The following ARRB1 variants were observed in gnomAD, a reference collection of about 807,000 sequenced individuals.
ARRB1 encodes the protein beta-arrestin-1.
Under a neutral mutation model 56.8 loss-of-function variants are expected in ARRB1, and 21 were observed. The ratio of observed to expected loss-of-function variants is 0.37; its 90% confidence interval spans 0.26 to 0.53. The LOEUF (loss-of-function observed/expected upper bound fraction) is 0.53. ARRB1 is among the 20% of genes least tolerant of loss of function. ARRB1 has a pLI of 0.88. For missense variants in ARRB1, 424 were observed against 553.7 expected (o/e 0.77, Z 2.35); for synonymous variants, 210 against 218.6 (o/e 0.96, Z 0.35).
Position 75,266,128 on chromosome 11 carries a change from G to A in ARRB1, c.*35C>T. On this transcript the variant is annotated 3_prime_UTR_variant, in exon 16 of 16. Coordinates refer to ENST00000420843, the MANE Select transcript of ARRB1 (RefSeq NM_004041.5). ...AGTAAGCATCCGAGTGCACGAGAGT[G>A]GAGCCGGAGCCACGTGGAGGCAGGG... is the stretch of plus-strand genomic sequence containing the variant. 6.6e-7 allele frequency: 1 copy of A among 1,522,150 alleles called. No homozygotes were observed. Among genetic ancestry groups the A allele is most frequent in the Non-Finnish European group, 9.1e-7 (1 of 1,096,438 alleles). The allele number at this position is 1,522,150 out of a possible 1,614,324, so 94.3% of individuals were successfully genotyped here. A position where few individuals can be genotyped will look rare whatever the true frequency, so the allele number is the denominator to read the frequency against.
At chr11:75,301,117 C>T (rs1946894841) in intron 1 of ARRB1, among the ~76,000 whole-genome samples, 1 of 150,592 alleles carries the variant, frequency 6.6e-6, no homozygotes, top group African/African-American at 2.4e-5. Flanking sequence ...GCACTCCAGC[C>T]TGGCAACAGA....
intron 1 of ARRB1, among the ~76,000 whole-genome samples, chr11:75,341,655 ACT>A (rs1372572494): frequency 6.6e-6 from 1 of 151,776 alleles, no homozygotes; most frequent in East Asian, 1.9e-4. Context: ...CCTCCTCCAC[ACT>A]CTCTGAGGGT....
chr11:75,297,839 T>G (rs1484337209), intron 1 of ARRB1, among the ~76,000 whole-genome samples: 3 of 103,620 alleles, frequency 2.9e-5, no homozygotes, highest in Middle Eastern at 0.012. Flanking sequence ...CACTCCAGCC[T>G]GGGTAAGAGA....
At chr11:75,275,065 A>G (rs930800550) in intron 10 of ARRB1, 3 of 151,868 alleles carry the variant, frequency 2.0e-5, no homozygotes, top group African/African-American at 7.3e-5. Context: ...TGATCATACC[A>G]CTGCACTCCA....
chr11:75,327,764 A>C (rs1426516515), intron 1 of ARRB1, among the ~76,000 whole-genome samples: 1 of 151,782 alleles, frequency 6.6e-6, no homozygotes, highest in African/African-American at 2.4e-5. Context: ...AATTGTTGTA[A>C]TTTTAGTAGA....
chr11:75,349,669 C>G (rs1947818601), intron 1 of ARRB1, among the ~76,000 whole-genome samples: 1 of 152,244 alleles, frequency 6.6e-6, no homozygotes, highest in Non-Finnish European at 1.5e-5. Context: ...AAAGCCTGAC[C>G]TCATGGGTCA....
chr11:75,320,828 C>G (rs1231903527), intron 1 of ARRB1, among the ~76,000 whole-genome samples: 1 of 152,212 alleles, frequency 6.6e-6, no homozygotes, highest in Non-Finnish European at 1.5e-5. Flanking sequence ...AGAGATGGCC[C>G]TGGACTCCCA....
intron 13 of ARRB1, chr11:75,269,302 C>A: frequency 2.3e-6 from 1 of 443,772 alleles, no homozygotes; most frequent in Non-Finnish European, 4.3e-6. Flanking sequence ...CCTGGGACCC[C>A]CCCCCACCTC....
At chr11:75,269,273 T>G (rs1359803323) in intron 13 of ARRB1, 1 of 548,912 alleles carries the variant, frequency 1.8e-6, no homozygotes, top group African/African-American at 1.9e-5. Context: ...CCGTGGTCAC[T>G]GCGGGGCTCC....
At chr11:75,318,187 G>C (rs1947294533) in intron 1 of ARRB1, among the ~76,000 whole-genome samples, 1 of 120,880 alleles carries the variant, frequency 8.3e-6, no homozygotes, top group African/African-American at 3.2e-5. Context: ...GAGAGAGAGA[G>C]ATTGGATCTC....
At chr11:75,349,351 C>T (rs747368116) in intron 1 of ARRB1, among the ~76,000 whole-genome samples, 2 of 152,144 alleles carry the variant, frequency 1.3e-5, no homozygotes, top group Non-Finnish European at 2.9e-5. Context: ...GGGAAACTAA[C>T]GTCCGGAAAA....
chr11:75,282,060 C>T (rs1242483782), intron 5 of ARRB1, 39 bp from the exon 6 acceptor site: 3 of 1,605,790 alleles, frequency 1.9e-6, no homozygotes, highest in African/African-American at 1.3e-5. Context: ...CTGTCACATC[C>T]ACCACTGTCC....
intron 2 of ARRB1, among the ~76,000 whole-genome samples, chr11:75,288,470 G>A (rs1946532665): frequency 6.6e-6 from 1 of 152,042 alleles, no homozygotes; most frequent in Admixed American, 6.6e-5. Context: ...CTTGTGACTC[G>A]ATCGCCATCA....
chr11:75,294,234 C>T (rs1330334461), intron 1 of ARRB1, among the ~76,000 whole-genome samples: 4 of 152,078 alleles, frequency 2.6e-5, no homozygotes, highest in African/African-American at 9.7e-5. Context: ...TCACAACATA[C>T]TAGTTGATAA....
intron 1 of ARRB1, among the ~76,000 whole-genome samples, chr11:75,333,208 A>G (rs2140510029): frequency 1.3e-5 from 2 of 152,322 alleles, no homozygotes; most frequent in South Asian, 4.1e-4. Context: ...TGCTCTGAAG[A>G]AAAAAACAAA....
intron 1 of ARRB1, among the ~76,000 whole-genome samples, chr11:75,307,877 C>T (rs565874249): frequency 3.4e-4 from 52 of 152,334 alleles, no homozygotes; most frequent in African/African-American, 1.2e-3. Flanking sequence ...GATCCCAGGA[C>T]AGGCCATGGC....
Position 75,277,216 on chromosome 11 carries a change from G to C in ARRB1, c.703+148C>G, listed in dbSNP as rs542071742. 2.3e-3 allele frequency: 1,964 copies of C among 841,724 alleles called. 4 individuals are homozygous for C. Among genetic ancestry groups the C allele is most frequent in the Non-Finnish European group, 3.4e-3 (1,776 of 524,804 alleles). 52.1% of individuals were successfully genotyped at this position (841,724 alleles called of 1,614,324 possible). ...GCAGCCTGCCTTACCCAACTCAAAAGCTTTGCCCTGTGGCTCAGAGCAGGC... is the reference window on the plus strand; with the variant it reads ...GCAGCCTGCCTTACCCAACTCAAAACCTTTGCCCTGTGGCTCAGAGCAGGC... On this transcript the variant is annotated intron_variant, in intron 9 of 15. Coordinates refer to ENST00000420843, the MANE Select transcript of ARRB1 (RefSeq NM_004041.5).
In ARRB1 at chr11:75,307,964, G is replaced by A. The variant is rs370092472; in HGVS notation, c.21-17925C>T. Among the ~76,000 whole-genome samples, 19 of 152,304 alleles carry A rather than the reference G, an allele frequency of 1.2e-4. No individual in the cohort carries two copies. In the East Asian group the frequency reaches 2.9e-3, roughly 23 times the overall value. On this transcript the variant is annotated intron_variant, in intron 1 of 15. Coordinates refer to ENST00000420843, the MANE Select transcript of ARRB1 (RefSeq NM_004041.5). The stretch of plus-strand genomic sequence containing the variant: ...AGTAACTGAGCAAGCCTCTTCCCCC[G>A]TGGCCATGGATAGCACCATCCCCAT...
At chr11:75,337,815 T>A (rs1263464761) in intron 1 of ARRB1, among the ~76,000 whole-genome samples, 2 of 140,184 alleles carry the variant, frequency 1.4e-5, no homozygotes, top group Non-Finnish European at 3.1e-5. Context: ...TTTTTTTTTT[T>A]TTGAGACGGA....
Sources: gnomAD v4.1 joint callset for allele counts (sites outside exome capture counted in the v4.1 genomes callset) on GRCh38, gnomAD v4.1.1 for gene constraint, MANE v1.5 for transcripts, NCBI Gene and HGNC (gene_info 2026-07-23, HGNC 2026-07-21) for gene names.